Variants in TRIM7 observed in about 807,000 individuals in gnomAD.
TRIM7 encodes the protein tripartite motif containing 7.
A neutral mutation model predicts 37.9 loss-of-function variants in TRIM7; 32 were observed. That is an observed-to-expected ratio of 0.84 (90% CI 0.64 to 1.13). The LOEUF is 1.13. TRIM7 is among the 50% of genes most tolerant of loss of function. The probability of loss-of-function intolerance (pLI) is 0.00; values close to 1 mark genes in which losing one functional copy is unlikely to be tolerated. For synonymous variants in TRIM7, 351 were observed against 321.3 expected, an observed-to-expected ratio of 1.09 and a Z score of -0.99; for missense variants, 732 against 714.0, an observed-to-expected ratio of 1.03 and a Z score of -0.29.
intron 5 of TRIM7, 151 bp from the exon 6 acceptor site, chr5:181,198,369 G>A: frequency 2.4e-6 from 2 of 838,092 alleles, no homozygotes; most frequent in Non-Finnish European, 3.9e-6. Flanking sequence ...CAAGCATGGG[G>A]AGCGGGGGGC....
In TRIM7 at chr5:181,204,700, G is replaced by T; in HGVS notation, c.411C>A (p.Phe137Leu). Residue 137 changes from phenylalanine to leucine, a missense_variant, in exon 1 of 7, where the codon TTC (phenylalanine) becomes TTA (leucine). Phe to Leu is a conservative substitution (Grantham distance 22, BLOSUM62 0). Transcript: ENST00000274773. ...GTCCGTCGTCCTGGCAGTAGAGCTTGAAGGGTTCGCCATGCTGCCCGCAGC... is the reference window on the plus strand; with the variant it reads ...GTCCGTCGTCCTGGCAGTAGAGCTTTAAGGGTTCGCCATGCTGCCCGCAGC... ...AARCGQHGEP[F>L]KLYCQDDGRA... is the part of the protein sequence containing the mutation. The T allele has an allele frequency of 6.7e-7, 1 of 1,501,174 alleles. No individual in the cohort carries two copies. The highest frequency in any genetic ancestry group is 1.2e-5 in the South Asian group (1 of 80,414). 93.0% of individuals were successfully genotyped at this position (1,501,174 alleles called of 1,614,324 possible).
At position 181,199,092 on chromosome 5, in the gene TRIM7, C is replaced by T; in HGVS notation, c.872+3G>A. 6 of 1,614,218 alleles carry T rather than the reference C, an allele frequency of 3.7e-6. No individual in the cohort carries two copies. The highest frequency in any genetic ancestry group is 4.2e-6 in the Non-Finnish European group (5 of 1,180,038). On this transcript the variant is annotated splice_donor_region_variant and intron_variant, in intron 4 of 6. Transcript: ENST00000274773. ...AGGCCCCAGGAGCTGTGAGGTCACT[C>T]ACCTGCTCAGCGTGCTTTTGAATTC...
rs777056572 is a variant in TRIM7, at chr5:181,198,186, T to C, written c.1021A>G (p.Lys341Glu). The C allele has an allele frequency of 6.2e-7, 1 of 1,614,048 alleles. No individual in the cohort carries two copies. Among genetic ancestry groups the C allele is most frequent in the Non-Finnish European group, 8.5e-7 (1 of 1,179,948 alleles). ...DLRGELEKEEKVELTLDPDTA... is the reference protein window; with the variant it reads ...DLRGELEKEEEVELTLDPDTA... ...GCCATCACAGCACCATCCCTACCTT[T>C]CTCCTCTTTCTCCAGCTCTCCCCGA... Residue 341 changes from lysine (K) to glutamate (E), a missense_variant, in exon 6 of 7, where the codon AAA becomes GAA. Coordinates refer to ENST00000274773, the MANE Select transcript of TRIM7 (RefSeq NM_203293.3).
rs1273205470 is a variant in TRIM7 at position 181,204,851 on chromosome 5, G to A, written c.260C>T (p.Pro87Leu). The A allele has an allele frequency of 6.7e-6, 9 of 1,342,302 alleles. No individual in the cohort carries two copies. Among genetic ancestry groups the A allele is most frequent in the Non-Finnish European group, 8.5e-6 (9 of 1,055,964 alleles). 83.1% of individuals were successfully genotyped at this position (1,342,302 alleles called of 1,614,324 possible). A position where few individuals can be genotyped will look rare whatever the true frequency, so the allele number is the denominator to read the frequency against. The change falls in exon 1 of 7, where the codon CCC becomes CTC. Residue 87 changes from proline (P) to leucine (L), a missense_variant. Transcript: ENST00000274773. ...CTGCCGGTTGGGCCGCAGCTGACTG[G>A]GGCGCGCGGGCTCGCGGCACTGCGG... is the stretch of plus-strand genomic sequence containing the variant. Reference protein sequence around the residue: ...PCPQCREPARPSQLRPNRQLA... With the variant: ...PCPQCREPARLSQLRPNRQLA...
In TRIM7 at chr5:181,195,388, G is replaced by C; in HGVS notation, c.1314C>G (p.Asn438Lys). The change falls in exon 7 of 7, where the codon AAC becomes AAG. Residue 438 changes from asparagine (N) to lysine (K), a missense_variant. By Grantham distance (94) the Asn-to-Lys change is moderately conservative (BLOSUM62 0). Transcript: ENST00000274773. ...TGGTCACGGCCCAGTACTGGCCGCC[G>C]TTGAGCTGCAGGGCCCAGACGCCCT... is the stretch of plus-strand genomic sequence containing the variant. ...PEEGVWALQL[N>K]GGQYWAVTSP... 6.3e-7 allele frequency: 1 copy of C among 1,585,412 alleles called. No individual in the cohort carries two copies. The highest frequency in any genetic ancestry group is 8.6e-7 in the Non-Finnish European group (1 of 1,165,944).
intron 1 of TRIM7, chr5:181,204,373 A>C: frequency 8.8e-7 from 1 of 1,135,866 alleles, no homozygotes; most frequent in Non-Finnish European, 1.1e-6. Flanking sequence ...AGGGAAACGC[A>C]GTGGGGGTGG....
chr5:181,194,997 G>A lies in TRIM7; in HGVS notation c.*169C>T, dbSNP rs369257262. ...GTCCAAAGCCCCTGTTCCCCTGCTCGGTTGGCCACAGTCACTCTCCTGCCT... is the reference window on the plus strand; with the variant it reads ...GTCCAAAGCCCCTGTTCCCCTGCTCAGTTGGCCACAGTCACTCTCCTGCCT... On this transcript the variant is annotated 3_prime_UTR_variant, in exon 7 of 7. Coordinates refer to ENST00000274773, the MANE Select transcript of TRIM7 (RefSeq NM_203293.3). The A allele has an allele frequency of 5.9e-5, 45 of 759,380 alleles. No individual in the cohort carries two copies. The highest frequency in any genetic ancestry group is 1.8e-4 in the African/African-American group (10 of 55,806). The allele number at this position is 759,380 out of a possible 1,614,324, so 47.0% of individuals were successfully genotyped here.
Position 181,198,771 on chromosome 5 carries a change from C to G in TRIM7, c.907G>C (p.Val303Leu). Residue 303 changes from valine to leucine, a missense_variant, in exon 5 of 7, where the codon GTC (valine) becomes CTC (leucine). Val to Leu is a conservative substitution (Grantham distance 32). Coordinates refer to ENST00000274773, the MANE Select transcript of TRIM7 (RefSeq NM_203293.3). ...SNVPGPKPTT[V>L]SSEMKNKVWN... ...ACTTTATTCTTCATCTCAGAAGAGA[C>G]TGTGGTTGGCTTGGGGCCAGGCACA... 1 of 1,614,130 alleles carries G rather than the reference C, an allele frequency of 6.2e-7. No individual in the cohort carries two copies. Among genetic ancestry groups the G allele is most frequent in the Non-Finnish European group, 8.5e-7 (1 of 1,180,000 alleles).
At chr5:181,201,830 C>T (rs560359646) in intron 2 of TRIM7, among the ~76,000 whole-genome samples, 2 of 152,192 alleles carry the variant, frequency 1.3e-5, no homozygotes, top group South Asian at 2.1e-4. Flanking sequence ...CTGGGGACTC[C>T]GGTCAGAGAC....
chr5:181,204,254 G>A (rs1020402701), intron 1 of TRIM7: 5 of 1,073,190 alleles, frequency 4.7e-6, no homozygotes, highest in Non-Finnish European at 4.5e-6. Flanking sequence ...GACTTCCCGC[G>A]GGCAGAGAGC....
chr5:181,203,765 A>C (rs1757653326), intron 1 of TRIM7, 125 bp from the exon 2 acceptor site: 1 of 1,470,970 alleles, frequency 6.8e-7, no homozygotes. Context: ...GCCGGGTAGA[A>C]GTCATCTCTA....
At chr5:181,203,358 A>T in intron 2 of TRIM7, 187 bp downstream of exon 2, 1 of 1,414,654 alleles carries the variant, frequency 7.1e-7, no homozygotes, top group Non-Finnish European at 9.2e-7. Context: ...ACTGCTTTTC[A>T]CTTTAAAAAG....
Position 181,205,043 on chromosome 5 carries a change from A to G in TRIM7, c.68T>C (p.Leu23Pro), listed in dbSNP as rs1312509327. 7.0e-7 allele frequency: 1 copy of G among 1,419,780 alleles called. No individual in the cohort carries two copies. The highest frequency in any genetic ancestry group is 1.5e-5 in the African/African-American group (1 of 66,454). 87.9% of individuals were successfully genotyped at this position (1,419,780 alleles called of 1,614,324 possible). The change falls in exon 1 of 7, where the codon CTG becomes CCG. Residue 23 changes from leucine (L) to proline (P), a missense_variant. By Grantham distance (98) the Leu-to-Pro change is moderately conservative. Transcript: ENST00000274773. ...GAEALALAAE[L>P]QGEATCSICL... ...GATGGAGCACGTCGCCTCGCCCTGC[A>G]GCTCTGCCGCCAGCGCTAGAGCCTC...
Position 181,203,870 on chromosome 5 carries a change from T to C in TRIM7, c.523-230A>G, listed in dbSNP as rs1582240040. 2.3e-6 allele frequency: 3 copies of C among 1,297,144 alleles called. No homozygotes were observed. The East Asian group carries it at 9.9e-5, about 43-fold the overall frequency. 80.4% of individuals were successfully genotyped at this position (1,297,144 alleles called of 1,614,324 possible). Reference sequence around the variant, plus strand: ...GGACCAGCCAGACTGAAACACAAGCTCCGGCAGCCCTACCCCTAGTCGTCT... The same window carrying C: ...GGACCAGCCAGACTGAAACACAAGCCCCGGCAGCCCTACCCCTAGTCGTCT... On this transcript the variant is annotated intron_variant, in intron 1 of 6. Coordinates refer to ENST00000274773, the MANE Select transcript of TRIM7 (RefSeq NM_203293.3).
intron 2 of TRIM7, among the ~76,000 whole-genome samples, chr5:181,201,698 C>A (rs1249972443): frequency 1.3e-5 from 2 of 152,204 alleles, no homozygotes; most frequent in Non-Finnish European, 2.9e-5. Context: ...ACGACTCCAG[C>A]CTTTGTGACA....
In TRIM7 at chr5:181,199,962, T is replaced by C; in HGVS notation, c.738A>G (p.Ala246=). Residue 246 remains alanine, a synonymous_variant, in exon 3 of 7, where the codon GCA becomes GCG. Coordinates refer to ENST00000274773, the MANE Select transcript of TRIM7 (RefSeq NM_203293.3). ...GRLEELSREV[A]QKQNENLAQL... is the part of the protein sequence containing the mutation. Reference sequence around the variant, plus strand: ...GGGCCAGGTTCTCATTCTGCTTCTGTGCCACCTCCCGGGACAGTTCCTCCA... The same window carrying C: ...GGGCCAGGTTCTCATTCTGCTTCTGCGCCACCTCCCGGGACAGTTCCTCCA... The C allele has an allele frequency of 6.2e-7, 1 of 1,614,264 alleles. No individual in the cohort carries two copies. The highest frequency in any genetic ancestry group is 2.2e-5 in the East Asian group (1 of 44,888).
At chr5:181,201,016 G>T in intron 2 of TRIM7, 1 of 684,816 alleles carries the variant, frequency 1.5e-6, no homozygotes, top group Non-Finnish European at 1.8e-6. Flanking sequence ...AAGTCTTACA[G>T]GTGAGGAGAC....
At chr5:181,195,858 C>T (rs577774793) in intron 6 of TRIM7, 181 bp from the exon 7 acceptor site, 9 of 661,108 alleles carry the variant, frequency 1.4e-5, no homozygotes, top group Non-Finnish European at 2.1e-5. Flanking sequence ...TGCTTCCCCC[C>T]GCCCCGACCA....
chr5:181,203,828 C>T, intron 1 of TRIM7, 188 bp from the exon 2 acceptor site: 7 of 1,359,804 alleles, frequency 5.1e-6, no homozygotes, highest in Non-Finnish European at 6.6e-6. Context: ...GATCTTGCTT[C>T]CCCAAAAGCA....
Sources: gnomAD v4.1 joint callset for allele counts (sites outside exome capture counted in the v4.1 genomes callset) on GRCh38, gnomAD v4.1.1 for gene constraint, MANE v1.5 for transcripts, NCBI Gene and HGNC (gene_info 2026-07-23, HGNC 2026-07-21) for gene names.